Variants in SERPINB8 observed in about 807,000 individuals in gnomAD.
SERPINB8 encodes serpin B8.
Under a neutral mutation model 35.3 loss-of-function variants are expected in SERPINB8, and 25 were observed. The observed-to-expected ratio is 0.71, with a 90% CI of 0.52 to 0.99. SERPINB8 has a LOEUF of 0.99. SERPINB8 is among the 50% of genes least tolerant of loss of function. The pLI is 0.00. For missense variants in SERPINB8, 484 were observed against 446.5 expected (o/e 1.08, Z -0.76); for synonymous variants, 186 against 160.8 (o/e 1.16, Z -1.19).
At chr18:64,015,041 C>T (rs2144852670) in intron 7 of SERPINB8, among the ~76,000 whole-genome samples, 1 of 152,278 alleles carries the variant, frequency 6.6e-6, no homozygotes, top group Non-Finnish European at 1.5e-5. Flanking sequence ...ATGCACCATG[C>T]CTTCGCCAGC....
intron 1 of SERPINB8, among the ~76,000 whole-genome samples, chr18:63,994,737 G>T (rs2050840601): frequency 2.0e-5 from 3 of 152,080 alleles, no homozygotes; most frequent in Non-Finnish European, 4.4e-5. Flanking sequence ...TCACCCTGGG[G>T]GTCCTCTGGG....
intron 1 of SERPINB8, 27 bp from the exon 2 acceptor site, chr18:63,978,272 C>G (rs2050613937): frequency 1.2e-6 from 2 of 1,613,574 alleles, no homozygotes; most frequent in Non-Finnish European, 1.7e-6. Flanking sequence ...GGCTTATGTG[C>G]TTTTCCCTGC....
intron 6 of SERPINB8, among the ~76,000 whole-genome samples, chr18:63,985,763 C>G (rs780668706): frequency 6.6e-6 from 1 of 152,024 alleles, no homozygotes; most frequent in Non-Finnish European, 1.5e-5. Flanking sequence ...TTACCTTATA[C>G]AAGAGGAGAG....
At chr18:64,000,880 C>T (rs1384485843) in intron 1 of SERPINB8, among the ~76,000 whole-genome samples, 4 of 152,330 alleles carry the variant, frequency 2.6e-5, no homozygotes, top group East Asian at 1.9e-4. Flanking sequence ...CTCTCTCTAA[C>T]AATTGTGGAC....
Position 63,979,781 on chromosome 18 carries a change from G to A in SERPINB8, c.169-20G>A, listed in dbSNP as rs2144802828. The A allele has an allele frequency of 6.2e-7, 1 of 1,613,854 alleles. No individual in the cohort carries two copies. Among genetic ancestry groups the A allele is most frequent in the East Asian group, 2.2e-5 (1 of 44,870 alleles). On this transcript the variant is annotated intron_variant, in intron 2 of 6. Coordinates refer to ENST00000397985, the MANE Select transcript of SERPINB8 (RefSeq NM_002640.4). ...AGTATAATGGCAGCGTTAAAAGTCA[G>A]TGTTGGTTTCTGTTCCCAGGCACTT... is the stretch of plus-strand genomic sequence containing the variant.
intron 4 of SERPINB8, among the ~76,000 whole-genome samples, chr18:63,982,934 C>T (rs2050694624): frequency 6.6e-6 from 1 of 151,980 alleles, no homozygotes; most frequent in Non-Finnish European, 1.5e-5. Context: ...CATTCACCCC[C>T]TTCAGAGAGG....
At chr18:63,971,410 A>C (rs1230463391) in intron 1 of SERPINB8, among the ~76,000 whole-genome samples, 1 of 152,180 alleles carries the variant, frequency 6.6e-6, no homozygotes, top group Non-Finnish European at 1.5e-5. Context: ...TTACAGGTTC[A>C]CCTGGTATGG....
intron 4 of SERPINB8, 78 bp from the exon 5 acceptor site, chr18:63,983,501 C>T: frequency 7.2e-7 from 1 of 1,397,128 alleles, no homozygotes; most frequent in Non-Finnish European, 1.0e-6. Flanking sequence ...CAAGCCTCTG[C>T]CTTATGTGTC....
chr18:64,001,171 C>G (rs2050872425), intron 1 of SERPINB8, among the ~76,000 whole-genome samples: 1 of 152,146 alleles, frequency 6.6e-6, no homozygotes, highest in South Asian at 2.1e-4. Context: ...TTCTTGTAGA[C>G]AGTATATGTT....
intron 1 of SERPINB8, among the ~76,000 whole-genome samples, chr18:63,972,495 TTTA>T (rs1231706556): frequency 1.3e-5 from 2 of 152,030 alleles, no homozygotes; most frequent in African/African-American, 4.8e-5. Context: ...TTGTTTCTTT[TTTA>T]TTATTATACT....
At chr18:64,015,154 G>C (rs1239427336) in intron 7 of SERPINB8, among the ~76,000 whole-genome samples, 3 of 152,134 alleles carry the variant, frequency 2.0e-5, no homozygotes, top group Non-Finnish European at 4.4e-5. Context: ...GTGTCAGACA[G>C]ACCTAACTTC....
intron 4 of SERPINB8, 93 bp downstream of exon 4, chr18:63,981,931 C>T: frequency 1.2e-6 from 1 of 816,634 alleles, no homozygotes; most frequent in Admixed American, 2.1e-5. Flanking sequence ...GCCACTGTGA[C>T]CTGCATACCA....
At chr18:64,009,296 C>T (rs1414384403), downstream of SERPINB8, among the ~76,000 whole-genome samples, 1 of 152,138 alleles carries the variant, frequency 6.6e-6, no homozygotes, top group African/African-American at 2.4e-5. Flanking sequence ...CAATGTAATT[C>T]TAGTCCAAAT....
chr18:63,983,176 G>A (rs1248150933), intron 4 of SERPINB8, among the ~76,000 whole-genome samples: 1 of 152,124 alleles, frequency 6.6e-6, no homozygotes, highest in African/African-American at 2.4e-5. Flanking sequence ...AGAATTATCT[G>A]GCTTAAAATG....
chr18:64,002,108 C>A (rs2050878157), intron 1 of SERPINB8, among the ~76,000 whole-genome samples: 1 of 152,078 alleles, frequency 6.6e-6, no homozygotes, highest in African/African-American at 2.4e-5. Flanking sequence ...TCTGAACCCC[C>A]CGATAGAGGA....
chr18:63,973,058 A>G (rs561767328), intron 1 of SERPINB8, among the ~76,000 whole-genome samples: 2 of 152,352 alleles, frequency 1.3e-5, no homozygotes, highest in East Asian at 3.9e-4. Context: ...TCCTTGAGGA[A>G]TCGCCACACT....
intron 1 of SERPINB8, among the ~76,000 whole-genome samples, chr18:64,002,267 C>T (rs2050879198): frequency 6.6e-6 from 1 of 152,134 alleles, no homozygotes; most frequent in South Asian, 2.1e-4. Flanking sequence ...GGAGTTAGGA[C>T]GCCTGGCTCT....
At chr18:64,010,148 A>G (rs934570432), downstream of SERPINB8, among the ~76,000 whole-genome samples, 1 of 152,172 alleles carries the variant, frequency 6.6e-6, no homozygotes, top group Non-Finnish European at 1.5e-5. Context: ...TTCACAAAAG[A>G]TAAAATAATA....
intron 2 of SERPINB8, 45 bp from the exon 3 acceptor site, chr18:63,979,756 A>C: frequency 5.6e-6 from 9 of 1,609,764 alleles, no homozygotes; most frequent in Non-Finnish European, 7.6e-6. Flanking sequence ...TCTTTGGGAG[A>C]GTATAATGGC....
Sources: allele counts gnomAD v4.1 joint callset (sites outside exome capture counted in the v4.1 genomes callset), GRCh38; gene constraint gnomAD v4.1.1; transcripts MANE v1.5; gene names NCBI Gene and HGNC (gene_info 2026-07-23, HGNC 2026-07-21).